Variants in FSTL5 observed in about 807,000 individuals in gnomAD.
FSTL5 encodes follistatin like 5, also known as follistatin-related protein 5.
A neutral mutation model predicts 89.1 loss-of-function variants in FSTL5; 62 were observed. The observed-to-expected ratio is 0.70, with a 90% CI of 0.57 to 0.86. The LOEUF is 0.86. FSTL5 is among the 40% of genes least tolerant of loss of function. FSTL5 has a pLI of 0.00. For synonymous variants in FSTL5, 383 were observed against 346.2 expected, an observed-to-expected ratio of 1.11 and a Z score of -1.18; for missense variants, 1,057 against 1,001.6, an observed-to-expected ratio of 1.06 and a Z score of -0.75.
At chr4:162,060,455 T>G (rs1305307963) in intron 2 of FSTL5, among the ~76,000 whole-genome samples, 1 of 152,072 alleles carries the variant, frequency 6.6e-6, no homozygotes, top group Non-Finnish European at 1.5e-5. Flanking sequence ...TAATAATGTA[T>G]GAGTCTATCT....
chr4:161,779,219 A>C (rs1473747407), intron 4 of FSTL5, among the ~76,000 whole-genome samples: 1 of 152,156 alleles, frequency 6.6e-6, no homozygotes, highest in African/African-American at 2.4e-5. Flanking sequence ...AATTGTTGTA[A>C]ATTTCTTCTC....
intron 6 of FSTL5, among the ~76,000 whole-genome samples, chr4:161,733,053 C>A (rs1579055186): frequency 6.6e-6 from 1 of 151,602 alleles, no homozygotes; most frequent in Non-Finnish European, 1.5e-5. Context: ...AAAATTGTAT[C>A]TATCCATAGA....
At chr4:161,687,130 T>C (rs941048350) in intron 6 of FSTL5, among the ~76,000 whole-genome samples, 1 of 152,180 alleles carries the variant, frequency 6.6e-6, no homozygotes, top group Non-Finnish European at 1.5e-5. Flanking sequence ...AAACTAAATA[T>C]ACAATGATGT....
intron 10 of FSTL5, among the ~76,000 whole-genome samples, chr4:161,513,728 A>G (rs548597506): frequency 1.3e-5 from 2 of 152,292 alleles, no homozygotes; most frequent in South Asian, 4.1e-4. Context: ...TTAGCAAACT[A>G]ATGCAGGAAC....
intron 6 of FSTL5, among the ~76,000 whole-genome samples, chr4:161,684,407 T>C (rs1173679473): frequency 6.6e-6 from 1 of 152,214 alleles, no homozygotes; most frequent in African/African-American, 2.4e-5. Flanking sequence ...TTGAGAAGTA[T>C]TCCGTGTTCA....
chr4:161,556,471 C>G (rs557357646), intron 8 of FSTL5, among the ~76,000 whole-genome samples: 1 of 151,444 alleles, frequency 6.6e-6, no homozygotes, highest in East Asian at 1.9e-4. Flanking sequence ...TTACTCAAGA[C>G]GAAGATTTTG....
chr4:161,477,836 T>A (rs1233810476), intron 13 of FSTL5, among the ~76,000 whole-genome samples: 1 of 152,192 alleles, frequency 6.6e-6, no homozygotes, highest in African/African-American at 2.4e-5. Context: ...TGATCATCAA[T>A]GTAGAAATAT....
intron 2 of FSTL5, among the ~76,000 whole-genome samples, chr4:162,041,202 TAAAAAAAAAAAA>T (rs5863513): frequency 1.0e-5 from 1 of 97,778 alleles, no homozygotes; most frequent in Non-Finnish European, 2.0e-5. Flanking sequence ...GATGAGATGG[TAAAAAAAAAAAA>T]AAAAAAAAAA....
At chr4:162,054,536 GTTAAACT>G (rs897143699) in intron 2 of FSTL5, among the ~76,000 whole-genome samples, 1 of 151,750 alleles carries the variant, frequency 6.6e-6, no homozygotes, top group African/African-American at 2.4e-5. Context: ...AGAAAACAGA[GTTAAACT>G]TTAAACTTTA....
At chr4:161,621,506 A>C (rs1173913178) in intron 7 of FSTL5, among the ~76,000 whole-genome samples, 1 of 152,198 alleles carries the variant, frequency 6.6e-6, no homozygotes, top group Non-Finnish European at 1.5e-5. Context: ...GTTTTAGAAC[A>C]AACCAGCAAG....
At chr4:162,027,503 TCAA>T (rs1381696106) in intron 3 of FSTL5, among the ~76,000 whole-genome samples, 1 of 152,090 alleles carries the variant, frequency 6.6e-6, no homozygotes, top group African/African-American at 2.4e-5. Flanking sequence ...GAATTTGTAC[TCAA>T]CGTTTTACTA....
chr4:161,959,250 C>T (rs557951222), intron 3 of FSTL5, among the ~76,000 whole-genome samples: 5 of 152,108 alleles, frequency 3.3e-5, no homozygotes, highest in African/African-American at 7.2e-5. Flanking sequence ...TATTGTGTTA[C>T]GATGAGCAAA....
At chr4:161,973,862 T>A (rs1228600508) in intron 3 of FSTL5, among the ~76,000 whole-genome samples, 1 of 152,116 alleles carries the variant, frequency 6.6e-6, no homozygotes, top group African/African-American at 2.4e-5. Context: ...GAAAACCCCA[T>A]TGTCTCAGCC....
chr4:162,106,263 AT>A (rs1285959247), intron 2 of FSTL5, among the ~76,000 whole-genome samples: 2 of 152,196 alleles, frequency 1.3e-5, no homozygotes, highest in Non-Finnish European at 2.9e-5. Flanking sequence ...AAAGTTGGAC[AT>A]AGTAGTATCT....
chr4:161,700,576 A>G (rs1430478008), intron 6 of FSTL5, among the ~76,000 whole-genome samples: 1 of 151,786 alleles, frequency 6.6e-6, no homozygotes, highest in African/African-American at 2.4e-5. Context: ...AGGTTTTGCT[A>G]TGTTTGCCCA....
chr4:161,749,572 C>T (rs369680344), intron 6 of FSTL5, among the ~76,000 whole-genome samples: 25 of 151,602 alleles, frequency 1.6e-4, no homozygotes, highest in Non-Finnish European at 1.3e-4. Flanking sequence ...CTGAGGCGGG[C>T]GGATCCCGAG....
intron 10 of FSTL5, among the ~76,000 whole-genome samples, chr4:161,521,550 G>A (rs888406528): frequency 6.6e-6 from 1 of 151,890 alleles, no homozygotes; most frequent in Non-Finnish European, 1.5e-5. Context: ...TCTAAGCCTG[G>A]TTAAAGAAAA....
At chr4:161,391,374 T>G (rs2110876488) in intron 15 of FSTL5, among the ~76,000 whole-genome samples, 1 of 152,254 alleles carries the variant, frequency 6.6e-6, no homozygotes, top group South Asian at 2.1e-4. Context: ...GAAAGGTAAA[T>G]GCTGAACATA....
intron 4 of FSTL5, among the ~76,000 whole-genome samples, chr4:161,868,066 TATAAAG>T: frequency 6.6e-6 from 1 of 152,162 alleles, no homozygotes; most frequent in South Asian, 2.1e-4. Context: ...GCATCAGAAA[TATAAAG>T]ATAACCAATT....
Sources: gnomAD v4.1 joint callset for allele counts (sites outside exome capture counted in the v4.1 genomes callset) on GRCh38, gnomAD v4.1.1 for gene constraint, MANE v1.5 for transcripts, NCBI Gene and HGNC (gene_info 2026-07-23, HGNC 2026-07-21) for gene names.